CACNA1D: variants seen among roughly 807,000 people sequenced by gnomAD.
CACNA1D encodes calcium voltage-gated channel subunit alpha1 D.
A neutral mutation model predicts 257.1 loss-of-function variants in CACNA1D; 55 were observed. That is an observed-to-expected ratio of 0.21 (90% CI 0.17 to 0.27). The LOEUF is 0.27. Among genes scored for constraint, CACNA1D ranks in the 10% least tolerant of loss-of-function variants. CACNA1D has a pLI of 1.00. For synonymous variants in CACNA1D, 980 were observed against 1,014.9 expected, an observed-to-expected ratio of 0.97 and a Z score of 0.65; for missense variants, 1,876 against 2,784.0, an observed-to-expected ratio of 0.67 and a Z score of 7.34.
chr3:53,770,146 C>A, intron 31 of CACNA1D, 129 bp downstream of exon 31: 2 of 844,668 alleles, frequency 2.4e-6, no homozygotes, highest in South Asian at 1.4e-5. Context: ...CAGTGGTTTG[C>A]ATTCATCATC....
intron 38 of CACNA1D, among the ~76,000 whole-genome samples, chr3:53,780,402 G>A (rs1217605626): frequency 6.6e-6 from 1 of 152,188 alleles, no homozygotes; most frequent in Non-Finnish European, 1.5e-5. Flanking sequence ...AAACAGGCAG[G>A]GTATCGGAGC....
Position 53,657,345 on chromosome 3 carries a change from G to A in CACNA1D, c.624-2788G>A, listed in dbSNP as rs1469348957. Among the ~76,000 whole-genome samples the A allele has an allele frequency of 2.6e-5, 4 of 151,818 alleles. 1 individual carries two copies. The highest frequency in any genetic ancestry group is 2.0e-4 in the Admixed American group (3 of 15,250). ...GAAAAAGAAAAAAAAAAACTCTACC[G>A]ATAAACAGCCAATCACTGGATACTC... On this transcript the variant is annotated intron_variant, in intron 4 of 47. Transcript: ENST00000350061.
chr3:53,739,472 G>A (rs899519987), intron 20 of CACNA1D, among the ~76,000 whole-genome samples: 5 of 152,190 alleles, frequency 3.3e-5, no homozygotes, highest in Admixed American at 2.0e-4. Context: ...CCATGGCTCC[G>A]AGGAGAAGCA....
intron 3 of CACNA1D, among the ~76,000 whole-genome samples, chr3:53,631,678 G>A (rs1420369871): frequency 6.6e-6 from 1 of 152,174 alleles, no homozygotes; most frequent in African/African-American, 2.4e-5. Flanking sequence ...TATGGGAGCT[G>A]GAGACTTATG....
chr3:53,527,947 C>A (rs1454692144), intron 3 of CACNA1D, among the ~76,000 whole-genome samples: 1 of 152,084 alleles, frequency 6.6e-6, no homozygotes, highest in Non-Finnish European at 1.5e-5. Context: ...CTGAAATATA[C>A]CCAGCTAGAT....
intron 3 of CACNA1D, among the ~76,000 whole-genome samples, chr3:53,537,174 A>G (rs2092139245): frequency 6.6e-6 from 1 of 152,232 alleles, no homozygotes; most frequent in African/African-American, 2.4e-5. Flanking sequence ...AATAGTTAAC[A>G]TTCCAAAAAA....
At chr3:53,773,855 G>T (rs1335631631) in intron 33 of CACNA1D, 1 of 152,248 alleles carries the variant, frequency 6.6e-6, no homozygotes, top group Non-Finnish European at 1.5e-5. Flanking sequence ...TCTCAGAACT[G>T]CAAGCTGCAT....
At chr3:53,594,958 G>A (rs3774467) in intron 3 of CACNA1D, among the ~76,000 whole-genome samples, 1 of 152,108 alleles carries the variant, frequency 6.6e-6, no homozygotes, top group African/African-American at 2.4e-5. Flanking sequence ...TCTTGAATTC[G>A]TCTATTGATC....
At chr3:53,778,169 C>T (rs151299895) in intron 37 of CACNA1D, among the ~76,000 whole-genome samples, 4 of 152,126 alleles carry the variant, frequency 2.6e-5, no homozygotes, top group African/African-American at 4.8e-5. Context: ...CTCTTCAGGC[C>T]GGACTCTGGA....
rs3774517 is a variant in CACNA1D, at chr3:53,649,624, C to T, written c.484-1155C>T. On this transcript the variant is annotated intron_variant, in intron 3 of 47. Coordinates refer to ENST00000350061, the MANE Select transcript of CACNA1D (RefSeq NM_001128840.3). ...GCCTGTCATTTAGAAGTGGTGTTCA[C>T]GTGTTTCCTGAGCCTATTTTATTTT... Among the ~76,000 whole-genome samples the T allele has an allele frequency of 1.8e-4, 27 of 152,252 alleles. No homozygotes were observed. In the East Asian group the frequency reaches 3.7e-3, roughly 21 times the overall value.
In CACNA1D at chr3:53,730,245, CTTTTGTTTTG is replaced by C. The variant is rs139366806; in HGVS notation, c.2222-173_2222-164del. On this transcript the variant is annotated intron_variant, in intron 15 of 47. Transcript: ENST00000350061. ...TAGACTGTCCTTTTACAGGTTTTTA[CTTTTGTTTTG>C]TTTTGTTTTGTTTTGTTTTGTTTGA... Among the ~76,000 whole-genome samples, 5,538 of 151,260 alleles carry C rather than the reference CTTTTGTTTTG, an allele frequency of 0.037. 334 individuals are homozygous for C. Among genetic ancestry groups the C allele is most frequent in the African/African-American group, 0.13 (5,187 of 41,074 alleles).
At chr3:53,671,410 G>T (rs1349811327) in intron 7 of CACNA1D, among the ~76,000 whole-genome samples, 1 of 152,242 alleles carries the variant, frequency 6.6e-6, no homozygotes, top group Non-Finnish European at 1.5e-5. Context: ...GTGGGGCTCT[G>T]TCTCAGGTGC....
chr3:53,669,388 A>T (rs947352451), intron 7 of CACNA1D, among the ~76,000 whole-genome samples: 1 of 151,890 alleles, frequency 6.6e-6, no homozygotes, highest in South Asian at 2.1e-4. Context: ...TAGATGTGCC[A>T]TGTTTGAATA....
intron 3 of CACNA1D, among the ~76,000 whole-genome samples, chr3:53,646,320 CTT>C (rs2094020105): frequency 2.0e-5 from 3 of 152,176 alleles, no homozygotes; most frequent in African/African-American, 7.2e-5. Context: ...CAGTTTGACT[CTT>C]TATTTCAGGC....
rs551507090 is a variant in CACNA1D, at chr3:53,720,249, A to G, written c.1505+468A>G. Among the ~76,000 whole-genome samples the G allele has an allele frequency of 1.6e-4, 25 of 152,324 alleles. No homozygotes were observed. In the South Asian group the frequency reaches 4.8e-3, roughly 29 times the overall value. ...TTTTCAACAAAAACATTTTCCTACT[A>G]TATATAAACACTAACTTAAAATAGG... On this transcript the variant is annotated intron_variant, in intron 11 of 47. Coordinates refer to ENST00000350061, the MANE Select transcript of CACNA1D (RefSeq NM_001128840.3).
chr3:53,646,864 G>A (rs1360662470), intron 3 of CACNA1D, among the ~76,000 whole-genome samples: 2 of 152,146 alleles, frequency 1.3e-5, no homozygotes, highest in Non-Finnish European at 2.9e-5. Flanking sequence ...ACTAATAAGA[G>A]GATTCTTAAA....
Position 53,811,075 on chromosome 3 carries a change from T to C in CACNA1D, c.6193-38T>C. On this transcript the variant is annotated intron_variant, in intron 47 of 47. Transcript: ENST00000350061. The surrounding 1 kb of genome is among the most constrained non-coding windows in gnomAD (Gnocchi z 4.2). ...CGTCCCCCTGCCCTGCAAAGCCTTA[T>C]AACACCCCCATGCCATCCATCCCTC... 1 of 1,574,830 alleles carries C rather than the reference T, an allele frequency of 6.3e-7. No homozygotes were observed. The highest frequency in any genetic ancestry group is 8.7e-7 in the Non-Finnish European group (1 of 1,144,644).
intron 37 of CACNA1D, 134 bp downstream of exon 37, chr3:53,777,090 A>G: frequency 1.4e-6 from 1 of 731,122 alleles, no homozygotes; most frequent in Non-Finnish European, 2.5e-6. Flanking sequence ...TGTGGTTCCT[A>G]CCTCTGGGGA....
chr3:53,796,685 T>C (rs759764333), intron 40 of CACNA1D, among the ~76,000 whole-genome samples: 1 of 152,242 alleles, frequency 6.6e-6, no homozygotes, highest in African/African-American at 2.4e-5. Context: ...AGAATATCTA[T>C]GAAATTCCAA....
Sources: allele counts gnomAD v4.1 joint callset (sites outside exome capture counted in the v4.1 genomes callset), GRCh38; gene constraint gnomAD v4.1.1; non-coding constraint Gnocchi (gnomAD v3.1); transcripts MANE v1.5; gene names NCBI Gene and HGNC (gene_info 2026-07-23, HGNC 2026-07-21).